The following CYFIP1 variants were observed in gnomAD, a reference collection of about 807,000 sequenced individuals.
The protein encoded by CYFIP1 is cytoplasmic FMR1 interacting protein 1.
CYFIP1 carries 58 observed loss-of-function variants against 163.5 expected under a neutral mutation model. The observed-to-expected ratio is 0.35, with a 90% CI of 0.29 to 0.44. The LOEUF (loss-of-function observed/expected upper bound fraction) is 0.44. Ranked by LOEUF, CYFIP1 falls within the 20% of genes least tolerant of loss-of-function variation. The pLI, the probability that CYFIP1 is intolerant of heterozygous loss-of-function variation, is 1.00. For synonymous variants in CYFIP1, 663 were observed against 660.7 expected (o/e 1.00, Z -0.05); for missense variants, 1,338 against 1,653.8 (o/e 0.81, Z 3.31).
chr15:22,872,293 C>CAAA (rs11327088), intron 30 of CYFIP1, among the ~76,000 whole-genome samples: 28 of 111,410 alleles, frequency 2.5e-4, no homozygotes, highest in African/African-American at 9.6e-4. Flanking sequence ...GAAACTGTCT[C>CAAA]AAAAAAAAAA....
At position 22,906,263 on chromosome 15, in the gene CYFIP1, C is replaced by G. The variant is rs1217075262; in HGVS notation, c.2389-2358G>C. Among the ~76,000 whole-genome samples, 3 of 151,130 alleles carry G rather than the reference C, an allele frequency of 2.0e-5. No individual in the cohort carries two copies. In the East Asian group the frequency reaches 5.9e-4, roughly 30 times the overall value. On this transcript the variant is annotated intron_variant, in intron 21 of 30. Transcript: ENST00000617928. ...CTGAGATTACAGGCATGTGCCACCA[C>G]GCCCGGCTAATTTTTTGTATTTTTA...
rs56169420 is a variant in CYFIP1, at chr15:22,938,923, TAAA to T, written c.795+266_795+268del. On this transcript the variant is annotated intron_variant, in intron 8 of 30. Coordinates refer to ENST00000617928, the MANE Select transcript of CYFIP1 (RefSeq NM_014608.6). ...CTTGAGAATAAAACGAAAAGCAGCT[TAAA>T]AAAAAAAAAAAAAAAAAAAAAAGCT... Among the ~76,000 whole-genome samples, 100 of 74,386 alleles carry T rather than the reference TAAA, an allele frequency of 1.3e-3. 1 individual carries two copies. Among genetic ancestry groups the T allele is most frequent in the Middle Eastern group, 9.1e-3 (1 of 110 alleles). 48.8% of individuals were successfully genotyped at this position (74,386 alleles called of 152,430 possible). A position where few individuals can be genotyped will look rare whatever the true frequency, so the allele number is the denominator to read the frequency against.
At chr15:22,951,128 TC>T in intron 1 of CYFIP1, among the ~76,000 whole-genome samples, 1 of 152,094 alleles carries the variant, frequency 6.6e-6, no homozygotes, top group East Asian at 1.9e-4. Context: ...TGCAGGCCAA[TC>T]CCCAATGGCG....
intron 13 of CYFIP1, among the ~76,000 whole-genome samples, chr15:22,922,862 C>A (rs961798425): frequency 3.3e-5 from 5 of 152,030 alleles, no homozygotes; most frequent in Non-Finnish European, 7.4e-5. Flanking sequence ...TGTGGTGGCG[C>A]ACACCTGTAA....
chr15:22,880,312 T>C (rs777303209), intron 25 of CYFIP1, among the ~76,000 whole-genome samples: 12 of 152,196 alleles, frequency 7.9e-5, no homozygotes, highest in Admixed American at 2.6e-4. Flanking sequence ...GCTATGATGA[T>C]AGGAAACGTC....
chr15:22,902,978 G>T (rs935796477), intron 22 of CYFIP1, among the ~76,000 whole-genome samples: 1 of 152,194 alleles, frequency 6.6e-6, no homozygotes, highest in Admixed American at 6.5e-5. Flanking sequence ...GCCACATGTG[G>T]GTGGGACGCG....
In CYFIP1 at chr15:22,917,662, C is replaced by T. The variant is rs1333527702; in HGVS notation, c.1674+126G>A. 72 of 1,191,168 alleles carry T rather than the reference C, an allele frequency of 6.0e-5. 1 individual carries two copies. Among genetic ancestry groups the T allele is most frequent in the Non-Finnish European group, 1.1e-6 (1 of 882,994 alleles). 73.8% of individuals were successfully genotyped at this position (1,191,168 alleles called of 1,614,324 possible). A position where few individuals can be genotyped will look rare whatever the true frequency, so the allele number is the denominator to read the frequency against. On this transcript the variant is annotated intron_variant, in intron 15 of 30. Transcript: ENST00000617928. The surrounding 1 kb of genome is among the most constrained non-coding windows in gnomAD (Gnocchi z 4.2). ...GAGGAGCAGCAGAAACCACAGGCGC[C>T]ACTTTCTCTGCCTGAGCAGGCAGCG...
chr15:22,902,798 G>A (rs2060439172), intron 22 of CYFIP1, among the ~76,000 whole-genome samples: 1 of 152,168 alleles, frequency 6.6e-6, no homozygotes, highest in Non-Finnish European at 1.5e-5. Flanking sequence ...CGGCCCCACA[G>A]GAAACGCGGT....
rs374346432 is a variant in CYFIP1, at chr15:22,883,584, G to A, written c.2677-573C>T. Among the ~76,000 whole-genome samples, 71 of 152,228 alleles carry A rather than the reference G, an allele frequency of 4.7e-4. 1 individual carries two copies. Among genetic ancestry groups the A allele is most frequent in the African/African-American group, 1.4e-3 (57 of 41,540 alleles). On this transcript the variant is annotated intron_variant, in intron 23 of 30. Transcript: ENST00000617928. ...TGTAATCCCAGCCCTTTGGGAGGCC[G>A]AGGTGGGCAGATCACAAGGTCAGGA...
intron 14 of CYFIP1, 32 bp downstream of exon 14, chr15:22,918,660 C>T (rs753962472): frequency 6.6e-7 from 1 of 1,522,490 alleles, no homozygotes; most frequent in African/African-American, 1.4e-5. Context: ...GACGTGTGGG[C>T]ACAGCGGGCA....
At chr15:22,902,669 C>T (rs1177888524) in intron 22 of CYFIP1, among the ~76,000 whole-genome samples, 1 of 152,220 alleles carries the variant, frequency 6.6e-6, no homozygotes, top group African/African-American at 2.4e-5. Flanking sequence ...ACTCCCAGCC[C>T]GGCCTGGAGG....
intron 1 of CYFIP1, among the ~76,000 whole-genome samples, chr15:22,952,097 C>T (rs957641763): frequency 2.0e-5 from 3 of 152,010 alleles, no homozygotes; most frequent in African/African-American, 4.8e-5. Flanking sequence ...ATGGTTGAAC[C>T]TTAACGACCT....
chr15:22,939,665 T>C (rs1370789539), intron 6 of CYFIP1, among the ~76,000 whole-genome samples, 158 bp from the exon 7 acceptor site: 1 of 151,250 alleles, frequency 6.6e-6, no homozygotes, highest in Non-Finnish European at 1.5e-5. Context: ...GATTTCAGCC[T>C]TTTCAGGCGT....
At position 22,879,898 on chromosome 15, in the gene CYFIP1, TG is replaced by T; in HGVS notation, c.3042+14del. 1.2e-6 allele frequency: 2 copies of T among 1,603,816 alleles called. No homozygotes were observed. Among genetic ancestry groups the T allele is most frequent in the Non-Finnish European group, 8.5e-7 (1 of 1,176,890 alleles). On this transcript the variant is annotated intron_variant, in intron 26 of 30. Transcript: ENST00000617928. The stretch of plus-strand genomic sequence containing the variant: ...GGGCTGGGGCGGGGAGGGGCGGCGT[TG>T]GGGGGCCACTCACCAGGCTCTGCTC...
chr15:22,952,325 G>A (rs1229731903), intron 1 of CYFIP1, among the ~76,000 whole-genome samples: 2 of 152,046 alleles, frequency 1.3e-5, no homozygotes, highest in African/African-American at 2.4e-5. Context: ...AGAATAAGGT[G>A]AAATGTACTT....
intron 1 of CYFIP1, among the ~76,000 whole-genome samples, chr15:22,960,599 C>A (rs1477237036): frequency 6.6e-6 from 1 of 152,244 alleles, no homozygotes; most frequent in Non-Finnish European, 1.5e-5. Context: ...AAGCAGAAAG[C>A]AGCTCTTTCA....
At chr15:22,939,577 A>G (rs1054779499) in intron 6 of CYFIP1, 70 bp from the exon 7 acceptor site, 7 of 1,062,600 alleles carry the variant, frequency 6.6e-6, no homozygotes, top group Non-Finnish European at 9.4e-6. Context: ...AAAAAAAAAA[A>G]AAAAGCCTGG....
chr15:22,915,570 A>G (rs1251572191), intron 16 of CYFIP1, among the ~76,000 whole-genome samples: 2 of 152,020 alleles, frequency 1.3e-5, no homozygotes, highest in South Asian at 2.1e-4. Flanking sequence ...CCAACATGGT[A>G]AAACCCCATC....
At position 22,926,090 on chromosome 15, in the gene CYFIP1, C is replaced by T. The variant is rs541588494; in HGVS notation, c.1251G>A (p.Val417=). 4 of 1,614,098 alleles carry T rather than the reference C, an allele frequency of 2.5e-6. No individual in the cohort carries two copies. Among genetic ancestry groups the T allele is most frequent in the Non-Finnish European group, 3.4e-6 (4 of 1,180,002 alleles). Residue 417 remains valine (V), a synonymous_variant, in exon 13 of 31, where the codon GTG becomes GTA. Transcript: ENST00000617928. ...TGTTGGAGTACTTGTCGGTGGGGTG[C>T]ACAAGCTTCCAGGAATACTGTGGTG... ...HVMEVYSWKL[V]HPTDKYSNKD...
Sources: gnomAD v4.1 joint callset for allele counts (sites outside exome capture counted in the v4.1 genomes callset) on GRCh38, gnomAD v4.1.1 for gene constraint, Gnocchi (gnomAD v3.1) non-coding constraint, MANE v1.5 for transcripts, NCBI Gene and HGNC (gene_info 2026-07-23, HGNC 2026-07-21) for gene names.